Variants in NEO1 observed in about 807,000 individuals in gnomAD.
NEO1 encodes the protein neogenin.
A neutral mutation model predicts 159.7 loss-of-function variants in NEO1; 63 were observed. The observed-to-expected ratio is 0.39, with a 90% CI of 0.32 to 0.49. NEO1 has a LOEUF of 0.49. Ranked by LOEUF, NEO1 falls within the 20% of genes least tolerant of loss-of-function variation. The pLI, the probability that NEO1 is intolerant of heterozygous loss-of-function variation, is 0.85. For synonymous variants in NEO1, 633 were observed against 662.0 expected, an observed-to-expected ratio of 0.96 and a Z score of 0.67; for missense variants, 1,615 against 1,831.0, an observed-to-expected ratio of 0.88 and a Z score of 2.15.
chr15:73,281,261 A>AT (rs77081637), intron 22 of NEO1, among the ~76,000 whole-genome samples: 148,389 of 148,436 alleles, frequency 1, 74,171 homozygotes, highest in Middle Eastern at 1. Context: ...ACTTCAGGAG[A>AT]TTTTTTCCCC....
intron 1 of NEO1, among the ~76,000 whole-genome samples, chr15:73,111,369 G>A (rs1225107593): frequency 2.6e-5 from 4 of 152,050 alleles, no homozygotes; most frequent in Non-Finnish European, 5.9e-5. Flanking sequence ...CTGTGCAGAC[G>A]ATATGTGTGT....
intron 8 of NEO1, among the ~76,000 whole-genome samples, chr15:73,237,863 G>A (rs551858402): frequency 3.3e-5 from 5 of 152,306 alleles, no homozygotes; most frequent in South Asian, 4.1e-4. Flanking sequence ...GTAATTCTGC[G>A]TAATAAGCTT....
chr15:73,281,020 A>C (rs1275880748), intron 22 of NEO1, among the ~76,000 whole-genome samples: 1 of 151,366 alleles, frequency 6.6e-6, no homozygotes, highest in Non-Finnish European at 1.5e-5. Context: ...CCTGGCAAAC[A>C]CTGTGAAACC....
chr15:73,095,463 T>C (rs1255715632), intron 1 of NEO1, among the ~76,000 whole-genome samples: 1 of 152,192 alleles, frequency 6.6e-6, no homozygotes, highest in Non-Finnish European at 1.5e-5. Flanking sequence ...TGTTGATTCA[T>C]TAGGAGTTGC....
intron 7 of NEO1, among the ~76,000 whole-genome samples, chr15:73,185,210 G>A (rs559974770): frequency 6.6e-5 from 10 of 152,130 alleles, no homozygotes; most frequent in Non-Finnish European, 1.2e-4. Context: ...GGGAGGATAC[G>A]TGTCATAAAT....
At chr15:73,125,706 A>G (rs1471967073) in intron 3 of NEO1, among the ~76,000 whole-genome samples, 1 of 152,210 alleles carries the variant, frequency 6.6e-6, no homozygotes, top group African/African-American at 2.4e-5. Context: ...ACAAGAGGAC[A>G]ACTCTATAAA....
chr15:73,265,752 G>A lies in NEO1; in HGVS notation c.2399-564G>A, dbSNP rs139673199. Among the ~76,000 whole-genome samples, 396 of 152,246 alleles carry A rather than the reference G, an allele frequency of 2.6e-3. 2 individuals carry two copies. The highest frequency in any genetic ancestry group is 8.9e-3 in the African/African-American group (370 of 41,532). The stretch of plus-strand genomic sequence containing the variant: ...TGGCAATCTAGGGAGTGGGTGGGCC[G>A]CCAAGAAAAGCAGCTGTTTTAAGCT... On this transcript the variant is annotated intron_variant, in intron 15 of 28. Coordinates refer to ENST00000261908, the MANE Select transcript of NEO1 (RefSeq NM_002499.4).
chr15:73,218,358 G>A (rs534046937), intron 7 of NEO1, among the ~76,000 whole-genome samples: 2 of 150,618 alleles, frequency 1.3e-5, no homozygotes, highest in East Asian at 3.9e-4. Context: ...TTGCATCAAT[G>A]TTCATCAAGG....
rs909218802 is a variant in NEO1 at position 73,159,084 on chromosome 15, C to T, written c.1016-17319C>T. 2.6e-5 allele frequency among the ~76,000 whole-genome samples: 4 copies of T among 152,076 alleles called. 1 individual carries two copies. The highest frequency in any genetic ancestry group is 1.3e-4 in the Admixed American group (2 of 15,266). ...TTGAGTTCTGCCTGGGCAACTATAG[C>T]AAGATTCTGTCTCAAAAATTTTTTT... On this transcript the variant is annotated intron_variant, in intron 5 of 28. Transcript: ENST00000261908.
chr15:73,240,204 A>AT (rs1011942516), intron 8 of NEO1, among the ~76,000 whole-genome samples: 64 of 151,580 alleles, frequency 4.2e-4, no homozygotes, highest in Middle Eastern at 6.8e-3. Flanking sequence ...ATTGAGACTT[A>AT]TTTTTTTTTA....
At chr15:73,083,499 G>A (rs1216860167) in intron 1 of NEO1, among the ~76,000 whole-genome samples, 2 of 151,928 alleles carry the variant, frequency 1.3e-5, no homozygotes, top group Non-Finnish European at 1.5e-5. Context: ...CCAGCGTTCA[G>A]TTCACAATAC....
intron 8 of NEO1, among the ~76,000 whole-genome samples, chr15:73,237,046 T>C (rs936939076): frequency 7.2e-5 from 11 of 152,226 alleles, no homozygotes; most frequent in African/African-American, 2.7e-4. Context: ...GGCTTCACTT[T>C]ATCTGTCCAA....
At chr15:73,298,117 T>C (rs2042451107) in intron 26 of NEO1, among the ~76,000 whole-genome samples, 1 of 152,204 alleles carries the variant, frequency 6.6e-6, no homozygotes, top group African/African-American at 2.4e-5. Context: ...ATCTACAAAA[T>C]TGTGACCACT....
intron 7 of NEO1, among the ~76,000 whole-genome samples, chr15:73,186,409 CT>C (rs2035931948): frequency 2.6e-5 from 4 of 151,832 alleles, no homozygotes; most frequent in Admixed American, 2.6e-4. Flanking sequence ...AAATAAAGAC[CT>C]TTTCAGAACA....
intron 15 of NEO1, among the ~76,000 whole-genome samples, chr15:73,264,009 G>A (rs2040767301): frequency 6.6e-6 from 1 of 151,930 alleles, no homozygotes; most frequent in Non-Finnish European, 1.5e-5. Flanking sequence ...AACATATTGC[G>A]ACCTCATCTC....
At chr15:73,092,254 A>G (rs1370177539) in intron 1 of NEO1, among the ~76,000 whole-genome samples, 1 of 152,172 alleles carries the variant, frequency 6.6e-6, no homozygotes, top group Non-Finnish European at 1.5e-5. Context: ...AGAGATATCA[A>G]TTTAATAGAG....
chr15:73,268,680 A>T (rs950125648), intron 16 of NEO1, among the ~76,000 whole-genome samples: 2 of 152,252 alleles, frequency 1.3e-5, no homozygotes, highest in African/African-American at 4.8e-5. Flanking sequence ...AACCCATTGT[A>T]AACTGTGAAC....
chr15:73,233,467 C>T (rs1405173525), intron 7 of NEO1, among the ~76,000 whole-genome samples: 2 of 152,032 alleles, frequency 1.3e-5, no homozygotes, highest in Non-Finnish European at 2.9e-5. Flanking sequence ...TCATGTTCTC[C>T]CTGAATTTCC....
rs148284814 is a variant in NEO1 at position 73,078,355 on chromosome 15, G to A, written c.130+25550G>A. 3.3e-5 allele frequency among the ~76,000 whole-genome samples: 5 copies of A among 152,282 alleles called. No individual in the cohort carries two copies. The East Asian group carries it at 5.8e-4, about 18-fold the overall frequency. Reference sequence around the variant, plus strand: ...ATATACTGTATTCAGTTGTGTTGCCGTATTAAACACAGTGGATGTTTGAAT... The same window carrying A: ...ATATACTGTATTCAGTTGTGTTGCCATATTAAACACAGTGGATGTTTGAAT... On this transcript the variant is annotated intron_variant, in intron 1 of 28. Transcript: ENST00000261908.
Sources: allele counts gnomAD v4.1 joint callset (sites outside exome capture counted in the v4.1 genomes callset), GRCh38; gene constraint gnomAD v4.1.1; transcripts MANE v1.5; gene names NCBI Gene and HGNC (gene_info 2026-07-23, HGNC 2026-07-21).